Variants in COL26A1 observed in about 807,000 individuals in gnomAD.
COL26A1 encodes the protein collagen type XXVI alpha 1 chain, also known as collagen alpha-1(XXVI) chain.
In COL26A1, 41 loss-of-function variants were observed where a neutral mutation model predicts 59.3. That is an observed-to-expected ratio of 0.69 (90% CI 0.54 to 0.90). The LOEUF (loss-of-function observed/expected upper bound fraction) is 0.90. Ranked by LOEUF, COL26A1 falls within the 40% of genes least tolerant of loss-of-function variation. The pLI is 0.00. For synonymous variants in COL26A1, 266 were observed against 256.0 expected (o/e 1.04, Z -0.37); for missense variants, 612 against 602.3 (o/e 1.02, Z -0.17).
intron 1 of COL26A1, among the ~76,000 whole-genome samples, chr7:101,413,593 G>C (rs1192471209): frequency 6.6e-6 from 1 of 152,132 alleles, no homozygotes; most frequent in African/African-American, 2.4e-5. Flanking sequence ...AAGGAGACTT[G>C]TTTGGGAGCA....
At chr7:101,428,760 G>A (rs77456238) in intron 2 of COL26A1, among the ~76,000 whole-genome samples, 2,397 of 151,734 alleles carry the variant, frequency 0.016, 25 homozygotes, top group East Asian at 0.038. Context: ...TGCCTCGCTC[G>A]GCCTCTCAAA....
At chr7:101,546,709 C>A (rs1461574320) in intron 7 of COL26A1, among the ~76,000 whole-genome samples, 1 of 152,134 alleles carries the variant, frequency 6.6e-6, no homozygotes, top group African/African-American at 2.4e-5. Context: ...ACAGACTCCA[C>A]CCCTGCTCCA....
chr7:101,544,957 G>A (rs773003654), intron 6 of COL26A1, among the ~76,000 whole-genome samples: 10 of 152,230 alleles, frequency 6.6e-5, no homozygotes, highest in East Asian at 3.9e-4. Context: ...GGGTCCTGCC[G>A]GGGAAGGACC....
chr7:101,478,765 G>C (rs187170570), intron 3 of COL26A1, among the ~76,000 whole-genome samples: 31 of 152,260 alleles, frequency 2.0e-4, no homozygotes, highest in Admixed American at 5.9e-4. Context: ...GTTGGTGGGT[G>C]TCATTCCTAG....
intron 2 of COL26A1, 144 bp from the exon 3 acceptor site, chr7:101,447,540 C>G (rs973743139): frequency 1.7e-6 from 1 of 603,000 alleles, no homozygotes; most frequent in African/African-American, 1.8e-5. Flanking sequence ...AGCCAGTGAA[C>G]ACGGACCCCG....
rs902122696 is a variant in COL26A1 at position 101,557,590 on chromosome 7, C to T, written c.*60C>T. 2.3e-5 allele frequency: 35 copies of T among 1,507,912 alleles called. No homozygotes were observed. Among genetic ancestry groups the T allele is most frequent in the South Asian group, 2.2e-4 (18 of 80,666 alleles). 93.4% of individuals were successfully genotyped at this position (1,507,912 alleles called of 1,614,324 possible). A position where few individuals can be genotyped will look rare whatever the true frequency, so the allele number is the denominator to read the frequency against. Reference sequence around the variant, plus strand: ...GAGACCCAGCCCCAGAGGCCTGAGCCGCCGCTGTTTCCTAAAGATGCCCCC... The same window carrying T: ...GAGACCCAGCCCCAGAGGCCTGAGCTGCCGCTGTTTCCTAAAGATGCCCCC... On this transcript the variant is annotated 3_prime_UTR_variant, in exon 13 of 13. Coordinates refer to ENST00000313669, the MANE Select transcript of COL26A1 (RefSeq NM_001278563.3).
At chr7:101,370,856 G>T (rs1791174371) in intron 1 of COL26A1, among the ~76,000 whole-genome samples, 1 of 152,108 alleles carries the variant, frequency 6.6e-6, no homozygotes, top group Admixed American at 6.6e-5. Flanking sequence ...AGTCTCTCTG[G>T]ATTTACCTCC....
intron 2 of COL26A1, among the ~76,000 whole-genome samples, chr7:101,422,661 G>T (rs1281509885): frequency 1.3e-5 from 2 of 150,832 alleles, no homozygotes; most frequent in Non-Finnish European, 2.9e-5. Flanking sequence ...TTTTTTTTTG[G>T]AGACAGGATC....
chr7:101,451,018 G>A (rs1021248109), intron 3 of COL26A1, among the ~76,000 whole-genome samples: 3 of 142,586 alleles, frequency 2.1e-5, no homozygotes, highest in African/African-American at 7.6e-5. Context: ...TTGAATAATT[G>A]TTGATATATA....
rs571347468 is a variant in COL26A1 at position 101,386,576 on chromosome 7, G to C, written c.158+23386G>C. Among the ~76,000 whole-genome samples, 51 of 152,234 alleles carry C rather than the reference G, an allele frequency of 3.4e-4. No homozygotes were observed. The South Asian group carries it at 0.01, about 31-fold the overall frequency. ...CCTGGGGGTCAGGAGCCCTGTCCCA[G>C]AAGGTTATGTCTGTCACGACAGGTA... On this transcript the variant is annotated intron_variant, in intron 1 of 12. Coordinates refer to ENST00000313669, the MANE Select transcript of COL26A1 (RefSeq NM_001278563.3).
At chr7:101,386,805 T>C (rs1791587058) in intron 1 of COL26A1, among the ~76,000 whole-genome samples, 1 of 152,042 alleles carries the variant, frequency 6.6e-6, no homozygotes, top group African/African-American at 2.4e-5. Context: ...AATGTGAGGG[T>C]CCAGGCTGTT....
At chr7:101,425,888 G>A (rs1235250675) in intron 2 of COL26A1, among the ~76,000 whole-genome samples, 2 of 150,194 alleles carry the variant, frequency 1.3e-5, no homozygotes, top group African/African-American at 4.9e-5. Context: ...GTGCGGTGGC[G>A]TGATCTCAGC....
At chr7:101,390,863 C>T (rs1260755155) in intron 1 of COL26A1, among the ~76,000 whole-genome samples, 2 of 152,202 alleles carry the variant, frequency 1.3e-5, no homozygotes, top group Non-Finnish European at 2.9e-5. Context: ...GCTGTGCAAC[C>T]GGTCCAGGCT....
rs34053990 is a variant in COL26A1 at position 101,392,397 on chromosome 7, C to CTTT, written c.159-27560_159-27558dup. On this transcript the variant is annotated intron_variant, in intron 1 of 12. Coordinates refer to ENST00000313669, the MANE Select transcript of COL26A1 (RefSeq NM_001278563.3). ...AGGGAACAAGTATCCAACAACCAGGCTTTTTTTTTTTTTTTTTTTTTTAAG... is the reference window on the plus strand; with the variant it reads ...AGGGAACAAGTATCCAACAACCAGGCTTTTTTTTTTTTTTTTTTTTTTTTTAAG... Among the ~76,000 whole-genome samples, 15 of 86,604 alleles carry CTTT rather than the reference C, an allele frequency of 1.7e-4. 1 individual carries two copies. The highest frequency in any genetic ancestry group is 4.9e-4 in the African/African-American group (12 of 24,526). The allele number at this position is 86,604 out of a possible 152,430, so 56.8% of individuals were successfully genotyped here. A position where few individuals can be genotyped will look rare whatever the true frequency, so the allele number is the denominator to read the frequency against.
At chr7:101,512,049 G>A (rs1794937261) in intron 3 of COL26A1, among the ~76,000 whole-genome samples, 1 of 152,106 alleles carries the variant, frequency 6.6e-6, no homozygotes, top group Non-Finnish European at 1.5e-5. Flanking sequence ...TCATAAGGCA[G>A]GAATGTGCTC....
At chr7:101,375,570 C>A (rs1791295598) in intron 1 of COL26A1, among the ~76,000 whole-genome samples, 1 of 151,800 alleles carries the variant, frequency 6.6e-6, no homozygotes, top group Non-Finnish European at 1.5e-5. Flanking sequence ...TGTGGTAGGG[C>A]ACACTTGCAA....
At chr7:101,430,422 G>T (rs900766280) in intron 2 of COL26A1, among the ~76,000 whole-genome samples, 3 of 151,908 alleles carry the variant, frequency 2.0e-5, no homozygotes, top group African/African-American at 7.3e-5. Context: ...CTGAGTAGCT[G>T]GGATTACAGG....
chr7:101,364,008 A>C (rs1350572926), intron 1 of COL26A1, among the ~76,000 whole-genome samples: 1 of 151,914 alleles, frequency 6.6e-6, no homozygotes, highest in Non-Finnish European at 1.5e-5. Flanking sequence ...GGGACGTGGA[A>C]CCGGCTGGGA....
intron 3 of COL26A1, among the ~76,000 whole-genome samples, chr7:101,513,525 A>T (rs1794969162): frequency 6.9e-6 from 1 of 144,658 alleles, no homozygotes; most frequent in South Asian, 2.2e-4. Flanking sequence ...GTATTTTTTT[A>T]GTAGAGATGG....
Sources: allele counts gnomAD v4.1 joint callset (sites outside exome capture counted in the v4.1 genomes callset), GRCh38; gene constraint gnomAD v4.1.1; transcripts MANE v1.5; gene names NCBI Gene and HGNC (gene_info 2026-07-23, HGNC 2026-07-21).